Variants in ERCC8 observed in about 807,000 individuals in gnomAD.
The protein encoded by ERCC8 is DNA excision repair protein ERCC-8.
ERCC8 carries 52 observed loss-of-function variants against 54.9 expected under a neutral mutation model. The ratio of observed to expected loss-of-function variants is 0.95; its 90% CI spans 0.76 to 1.19. The LOEUF is 1.19. Ranked by LOEUF, ERCC8 falls within the 50% of genes most tolerant of loss-of-function variation. The pLI is 0.00. For synonymous variants in ERCC8, 146 were observed against 157.2 expected, an observed-to-expected ratio of 0.93 and a Z score of 0.53; for missense variants, 514 against 466.1, an observed-to-expected ratio of 1.10 and a Z score of -0.95.
chr5:60,912,236 C>A (rs866239209), intron 4 of ERCC8, among the ~76,000 whole-genome samples: 1 of 152,024 alleles, frequency 6.6e-6, no homozygotes, highest in Admixed American at 6.6e-5. Context: ...ATGGAATGTT[C>A]TTCCATTTGT....
chr5:60,887,036 C>T (rs193047363), intron 11 of ERCC8, among the ~76,000 whole-genome samples: 16 of 152,162 alleles, frequency 1.1e-4, no homozygotes, highest in African/African-American at 3.9e-4. Context: ...GAATGTCCAA[C>T]CATGATATGA....
At chr5:60,879,897 A>T (rs998688178) in intron 11 of ERCC8, among the ~76,000 whole-genome samples, 1 of 152,158 alleles carries the variant, frequency 6.6e-6, no homozygotes, top group East Asian at 1.9e-4. Context: ...TGTGAATTTG[A>T]TCCTGTCATG....
At chr5:60,930,329 G>T (rs911708471) in intron 1 of ERCC8, among the ~76,000 whole-genome samples, 1 of 152,190 alleles carries the variant, frequency 6.6e-6, no homozygotes, top group African/African-American at 2.4e-5. Context: ...ACTTTGGGAG[G>T]CCGAGGATCA....
intron 1 of ERCC8, among the ~76,000 whole-genome samples, chr5:60,932,671 C>G (rs1017030726): frequency 6.6e-6 from 1 of 150,678 alleles, no homozygotes; most frequent in Admixed American, 6.6e-5. Context: ...TATCTTGTAT[C>G]TTTTCACTGT....
intron 11 of ERCC8, among the ~76,000 whole-genome samples, chr5:60,879,860 T>G (rs1579983969): frequency 2.6e-5 from 4 of 152,228 alleles, no homozygotes; most frequent in Admixed American, 6.5e-5. Context: ...AGTTAGCCCA[T>G]TTACATTTAA....
chr5:60,878,615 C>T (rs942221121), intron 11 of ERCC8, among the ~76,000 whole-genome samples: 8 of 152,196 alleles, frequency 5.3e-5, no homozygotes, highest in African/African-American at 1.9e-4. Context: ...TGTATGTGTC[C>T]AGGAATTTAT....
rs1747797448 is a variant in ERCC8 at position 60,868,440 on chromosome 5, C to A, written c.*6175G>T. Among the ~76,000 whole-genome samples, 2 of 152,158 alleles carry A rather than the reference C, an allele frequency of 1.3e-5. No individual in the cohort carries two copies. The highest frequency in any genetic ancestry group is 4.2e-4 in the South Asian group (2 of 4,818). ...GACATTGGGCACCTGAAAAGTCCTACACACAGAGAACTAAGAGAGGTCGCA... is the reference window on the plus strand; with the variant it reads ...GACATTGGGCACCTGAAAAGTCCTAAACACAGAGAACTAAGAGAGGTCGCA... On this transcript the variant is annotated 3_prime_UTR_variant, in exon 12 of 12. Transcript: ENST00000676185.
intron 4 of ERCC8, chr5:60,917,377 G>C (rs1476197975): frequency 6.6e-6 from 1 of 152,112 alleles, no homozygotes; most frequent in Non-Finnish European, 1.5e-5. Context: ...AGGATTGAAG[G>C]AACAAGGGTT....
chr5:60,883,751 A>C (rs1479406027), intron 11 of ERCC8, among the ~76,000 whole-genome samples: 1 of 152,206 alleles, frequency 6.6e-6, no homozygotes. Flanking sequence ...AACTGGAATA[A>C]ACCTGCCCTA....
At chr5:60,923,770 A>G (rs1351610398) in intron 2 of ERCC8, among the ~76,000 whole-genome samples, 4 of 152,244 alleles carry the variant, frequency 2.6e-5, no homozygotes, top group Non-Finnish European at 4.4e-5. Context: ...ATTACAAAAT[A>G]TACATTTATC....
At chr5:60,929,678 C>A (rs1322025763) in intron 1 of ERCC8, among the ~76,000 whole-genome samples, 2 of 152,144 alleles carry the variant, frequency 1.3e-5, no homozygotes, top group African/African-American at 4.8e-5. Flanking sequence ...AGTACTCTCA[C>A]AAACTAAGAC....
In ERCC8 at chr5:60,871,351, A is replaced by G. The variant is rs1473607509; in HGVS notation, c.*3264T>C. Among the ~76,000 whole-genome samples, 2 of 152,232 alleles carry G rather than the reference A, an allele frequency of 1.3e-5. No homozygotes were observed. The highest frequency in any genetic ancestry group is 2.9e-5 in the Non-Finnish European group (2 of 68,048). On this transcript the variant is annotated 3_prime_UTR_variant, in exon 12 of 12. Transcript: ENST00000676185. ...ATATAAGCTGTAACTGCAAAATATA[A>G]TTTAAAAACTTTGTATATCCCAGTT...
chr5:60,898,322 T>C lies in ERCC8; in HGVS notation c.797A>G (p.Asp266Gly), dbSNP rs281875225. ...DGLHLLTVGT[D>G]NRMRLWNSSN... The stretch of plus-strand genomic sequence containing the variant: ...ACTATTCCAGAGCCTCATTCGATTA[T>C]CTGTACCAACAGTGAGGAGGTGAAG... Residue 266 changes from aspartate (D) to glycine (G), a missense_variant, in exon 9 of 12, where the codon GAT becomes GGT. Transcript: ENST00000676185. 3.1e-6 allele frequency: 5 copies of C among 1,613,600 alleles called. No homozygotes were observed. Among genetic ancestry groups the C allele is most frequent in the Non-Finnish European group, 4.2e-6 (5 of 1,179,704 alleles).
chr5:60,889,479 G>T (rs753902917), intron 10 of ERCC8, among the ~76,000 whole-genome samples: 7 of 152,014 alleles, frequency 4.6e-5, no homozygotes, highest in Non-Finnish European at 8.8e-5. Context: ...CTGATTTTTT[G>T]ATTTTTTGTA....
chr5:60,890,169 G>C (rs1748506770), intron 10 of ERCC8, among the ~76,000 whole-genome samples: 1 of 152,132 alleles, frequency 6.6e-6, no homozygotes, highest in African/African-American at 2.4e-5. Flanking sequence ...CAGTATTAAT[G>C]AATGAATGAA....
At chr5:60,938,065 ATATATATATATATATATATATTT>A (rs1194489944) in intron 1 of ERCC8, among the ~76,000 whole-genome samples, 5 of 27,026 alleles carry the variant, frequency 1.9e-4, no homozygotes, top group African/African-American at 4.9e-4. Flanking sequence ...ATATATATAT[ATATATATATATATATATATATTT>A]TATTTTTTTT....
chr5:60,938,085 A>ATAT (rs1750140987), intron 1 of ERCC8, among the ~76,000 whole-genome samples: 5 of 18,674 alleles, frequency 2.7e-4, no homozygotes, highest in African/African-American at 6.6e-4. Flanking sequence ...ATATATATAT[A>ATAT]TTTTATTTTT....
rs189391956 is a variant in ERCC8 at position 60,872,382 on chromosome 5, G to T, written c.*2233C>A. On this transcript the variant is annotated 3_prime_UTR_variant, in exon 12 of 12. Coordinates refer to ENST00000676185, the MANE Select transcript of ERCC8 (RefSeq NM_000082.4). ...GTGAAGAGACAACCTACAGAATGGA[G>T]AAAAAATATTAACTATAGATCTGAT... 1.9e-3 allele frequency among the ~76,000 whole-genome samples: 294 copies of T among 152,164 alleles called. 6 individuals are homozygous for T. Among genetic ancestry groups the T allele is most frequent in the East Asian group, 0.015 (76 of 5,178 alleles).
Position 60,904,621 on chromosome 5 carries a change from AGTGT to A in ERCC8, c.481+167_481+170del, listed in dbSNP as rs35456838. Among the ~76,000 whole-genome samples, 4,502 of 61,828 alleles carry A rather than the reference AGTGT, an allele frequency of 0.073. 217 individuals are homozygous for A. Among genetic ancestry groups the A allele is most frequent in the East Asian group, 0.13 (156 of 1,210 alleles). The allele number at this position is 61,828 out of a possible 152,430, so 40.6% of individuals were successfully genotyped here. On this transcript the variant is annotated intron_variant, in intron 5 of 11. Coordinates refer to ENST00000676185, the MANE Select transcript of ERCC8 (RefSeq NM_000082.4). ...AGTACAATATCTGTTGAATATATAT[AGTGT>A]GTGTGTGTGTATATATATATATATA...
Sources: allele counts gnomAD v4.1 joint callset (sites outside exome capture counted in the v4.1 genomes callset), GRCh38; gene constraint gnomAD v4.1.1; transcripts MANE v1.5; gene names NCBI Gene and HGNC (gene_info 2026-07-23, HGNC 2026-07-21).